Variants in PCNT observed in about 807,000 individuals in gnomAD.
The protein encoded by PCNT is pericentrin, also known as kendrin.
Under a neutral mutation model 380.4 loss-of-function variants are expected in PCNT, and 319 were observed. The ratio of observed to expected loss-of-function variants is 0.84; its 90% CI spans 0.77 to 0.92. The LOEUF (loss-of-function observed/expected upper bound fraction) is 0.92. Ranked by LOEUF, PCNT falls within the 40% of genes least tolerant of loss-of-function variation. PCNT has a pLI of 0.00. For synonymous variants in PCNT, 1,845 were observed against 1,735.2 expected (o/e 1.06, Z -1.57); for missense variants, 4,400 against 4,255.3 (o/e 1.03, Z -0.95).
At chr21:46,402,581 C>T (rs2086465033) in intron 27 of PCNT, 98 bp downstream of exon 27, 1 of 1,304,304 alleles carries the variant, frequency 7.7e-7, no homozygotes, top group African/African-American at 1.5e-5. Context: ...AGTCTCTGGT[C>T]TTCACAGACG....
At chr21:46,443,110 C>G (rs567784237) in intron 44 of PCNT, 1 of 172,936 alleles carries the variant, frequency 5.8e-6, no homozygotes, top group Admixed American at 5.6e-5. Context: ...GCACAGAGAA[C>G]GCGGGGTGGG....
intron 45 of PCNT, among the ~76,000 whole-genome samples, chr21:46,444,217 T>C (rs915152242): frequency 6.6e-6 from 1 of 152,098 alleles, no homozygotes; most frequent in Admixed American, 6.5e-5. Flanking sequence ...TTGTGAGGGA[T>C]GTGCCTTGGT....
At chr21:46,399,288 CT>C (rs1249183157) in intron 24 of PCNT, among the ~76,000 whole-genome samples, 1 of 119,726 alleles carries the variant, frequency 8.4e-6, no homozygotes, top group Non-Finnish European at 1.8e-5. Flanking sequence ...TCTGTTCAGC[CT>C]GTGAGTCTGG....
At chr21:46,331,741 G>A (rs1406379648) in intron 2 of PCNT, among the ~76,000 whole-genome samples, 1 of 152,062 alleles carries the variant, frequency 6.6e-6, no homozygotes, top group Non-Finnish European at 1.5e-5. Flanking sequence ...ACGCCAGCCT[G>A]GGCGGCAGAG....
intron 1 of PCNT, among the ~76,000 whole-genome samples, chr21:46,325,388 TGGAGGGG>T (rs1208524993): frequency 1.4e-4 from 19 of 134,490 alleles, no homozygotes; most frequent in African/African-American, 5.4e-4. Flanking sequence ...CCCAGGAGGG[TGGAGGGG>T]GGAGGGAGGG....
intron 15 of PCNT, among the ~76,000 whole-genome samples, chr21:46,371,993 G>GCA (rs989081203): frequency 2.6e-5 from 3 of 114,530 alleles, no homozygotes; most frequent in African/African-American, 5.9e-5. Context: ...TGCAGCACAT[G>GCA]CACACACACA....
rs1222415236 is a variant in PCNT at position 46,326,430 on chromosome 21, A to G, written c.108A>G (p.Lys36=). The change falls in exon 2 of 47, where the codon AAA becomes AAG. Residue 36 remains lysine, a synonymous_variant. Transcript: ENST00000359568. ...AAGGTGACAGTTCGCATTCGGAGAAAAAGACGGCGAAGAGGAAGGGCTCGG... is the reference window on the plus strand; with the variant it reads ...AAGGTGACAGTTCGCATTCGGAGAAGAAGACGGCGAAGAGGAAGGGCTCGG... ...KTKGDSSHSE[K]KTAKRKGSAV... The G allele has an allele frequency of 3.7e-6, 6 of 1,614,124 alleles. No individual in the cohort carries two copies. The highest frequency in any genetic ancestry group is 1.3e-5 in the African/African-American group (1 of 74,932).
intron 19 of PCNT, among the ~76,000 whole-genome samples, chr21:46,389,950 A>G (rs553306439): frequency 1.1e-4 from 17 of 152,312 alleles, no homozygotes; most frequent in African/African-American, 3.6e-4. Context: ...GGAGTTGGAC[A>G]GAACTTTGTC....
intron 39 of PCNT, among the ~76,000 whole-genome samples, 199 bp from the exon 40 acceptor site, chr21:46,436,780 G>C (rs1227432104): frequency 2.6e-5 from 4 of 152,156 alleles, no homozygotes; most frequent in African/African-American, 9.7e-5. Flanking sequence ...GGAGGTTTCT[G>C]AGCTCTGCAG....
At chr21:46,324,815 T>C (rs555135926) in intron 1 of PCNT, 22,765 of 911,414 alleles carry the variant, frequency 0.025, 367 homozygotes, top group Non-Finnish European at 0.028. Flanking sequence ...GTGGCGCGGG[T>C]GGCCTGCAGC....
intron 6 of PCNT, 22 bp from the exon 7 acceptor site, chr21:46,348,990 A>AT (rs757574693): frequency 5.6e-4 from 807 of 1,440,512 alleles, no homozygotes; most frequent in Non-Finnish European, 7.1e-4. Context: ...ATTGAGTTTA[A>AT]TTTTTTTTTC....
chr21:46,335,583 G>A (rs1445734274), intron 3 of PCNT, among the ~76,000 whole-genome samples: 1 of 141,812 alleles, frequency 7.1e-6, no homozygotes, highest in Non-Finnish European at 1.5e-5. Flanking sequence ...GAGACAGACC[G>A]AGATTCCATC....
intron 32 of PCNT, among the ~76,000 whole-genome samples, chr21:46,423,677 G>GGCAGCA (rs1412388274): frequency 3.7e-5 from 3 of 81,420 alleles, no homozygotes; most frequent in African/African-American, 1.7e-4. Flanking sequence ...TAGCCCTTGA[G>GGCAGCA]GCAGCAGCTG....
Position 46,399,622 on chromosome 21 carries a change from G to C in PCNT, c.4617G>C (p.Lys1539Asn). The C allele has an allele frequency of 3.7e-6, 6 of 1,613,834 alleles. No homozygotes were observed. Among genetic ancestry groups the C allele is most frequent in the Non-Finnish European group, 5.1e-6 (6 of 1,179,682 alleles). Residue 1539 changes from lysine (K) to asparagine (N), a missense_variant, in exon 25 of 47, where the codon AAG becomes AAC. Physicochemically the swap from Lys to Asn is moderately conservative, Grantham distance 94. Coordinates refer to ENST00000359568, the MANE Select transcript of PCNT (RefSeq NM_006031.6). The stretch of plus-strand genomic sequence containing the variant: ...TGTTACAACAAAAGTTGAGAGAAAA[G>C]TTGGATGAATTTAATGAATTGGCTA... ...VELLQQKLRE[K>N]LDEFNELAIQ...
At position 46,445,313 on chromosome 21, in the gene PCNT, A is replaced by G. The variant is rs2053725493; in HGVS notation, c.9997A>G (p.Met3333Val). Residue 3333 changes from methionine to valine, a missense_variant, in exon 47 of 47, where the codon ATG becomes GTG. Met to Val is a conservative substitution (Grantham distance 21). Coordinates refer to ENST00000359568, the MANE Select transcript of PCNT (RefSeq NM_006031.6). ...DSTSKKSCHP[M>V]IKQ ...TACTTCAAAGAAATCCTGCCACCCGATGATTAAACAGTGAATAAAATGTCA... is the reference window on the plus strand; with the variant it reads ...TACTTCAAAGAAATCCTGCCACCCGGTGATTAAACAGTGAATAAAATGTCA... 1.2e-6 allele frequency: 2 copies of G among 1,607,926 alleles called. No individual in the cohort carries two copies. Among genetic ancestry groups the G allele is most frequent in the African/African-American group, 2.7e-5 (2 of 74,934 alleles).
At chr21:46,340,656 G>A (rs148142905) in intron 3 of PCNT, among the ~76,000 whole-genome samples, 197 of 152,176 alleles carry the variant, frequency 1.3e-3, no homozygotes, top group African/African-American at 4.0e-3. Context: ...GTATTTGGAG[G>A]TGCAGTGAGC....
In PCNT at chr21:46,412,915, G is replaced by A. The variant is rs768689871; in HGVS notation, c.6073G>A (p.Val2025Ile). Residue 2025 changes from valine to isoleucine, a missense_variant, in exon 29 of 47, where the codon GTC becomes ATC. Val to Ile is a conservative substitution (Grantham distance 29). Coordinates refer to ENST00000359568, the MANE Select transcript of PCNT (RefSeq NM_006031.6). ...KQEGVMSVLT[V>I]CQRQLQSELL... is the part of the protein sequence containing the mutation. The stretch of plus-strand genomic sequence containing the variant: ...AGAAGGCGTGATGTCAGTGCTCACC[G>A]TCTGCCAGAGGCAGCTGCAGTCGGA... 1.6e-5 allele frequency: 26 copies of A among 1,612,562 alleles called. No homozygotes were observed. Among genetic ancestry groups the A allele is most frequent in the Admixed American group, 1.2e-4 (7 of 60,008 alleles).
intron 20 of PCNT, 56 bp from the exon 21 acceptor site, chr21:46,391,108 T>C: frequency 1.4e-6 from 2 of 1,476,762 alleles, no homozygotes; most frequent in Non-Finnish European, 1.9e-6. Context: ...CCAAGCAGGC[T>C]CTCCTCAGTT....
chr21:46,347,559 T>C, intron 6 of PCNT, 47 bp downstream of exon 6: 1 of 1,586,558 alleles, frequency 6.3e-7, no homozygotes, highest in Non-Finnish European at 8.7e-7. Context: ...TATGTTGTTT[T>C]TCCTTTCTCG....
Sources: allele counts gnomAD v4.1 joint callset (sites outside exome capture counted in the v4.1 genomes callset), GRCh38; gene constraint gnomAD v4.1.1; transcripts MANE v1.5; gene names NCBI Gene and HGNC (gene_info 2026-07-23, HGNC 2026-07-21).